The following NCALD variants were observed in gnomAD, a reference collection of about 807,000 sequenced individuals.
The protein encoded by NCALD is neurocalcin-delta.
Under a neutral mutation model 18.6 loss-of-function variants are expected in NCALD, and 10 were observed. The observed-to-expected ratio is 0.54, with a 90% CI of 0.33 to 0.91. The LOEUF is 0.91. Ranked by LOEUF, NCALD falls within the 40% of genes least tolerant of loss-of-function variation. The pLI, the probability that NCALD is intolerant of heterozygous loss-of-function variation, is 0.03. For synonymous variants in NCALD, 88 were observed against 87.4 expected (o/e 1.01, Z -0.04); for missense variants, 184 against 247.6 (o/e 0.74, Z 1.72).
chr8:101,952,126 G>C (rs968827558), intron 2 of NCALD, among the ~76,000 whole-genome samples: 1 of 152,172 alleles, frequency 6.6e-6, no homozygotes, highest in Non-Finnish European at 1.5e-5. Context: ...AGTGGGAACC[G>C]ACTGCTGAGT....
chr8:102,110,307 G>A (rs770988062), intron 1 of NCALD, among the ~76,000 whole-genome samples: 2 of 152,110 alleles, frequency 1.3e-5, no homozygotes, highest in Non-Finnish European at 2.9e-5. Flanking sequence ...GAGAAGAAAT[G>A]CAACTAGTAT....
intron 2 of NCALD, among the ~76,000 whole-genome samples, chr8:101,716,343 T>G (rs556063354): frequency 2.6e-5 from 4 of 151,934 alleles, no homozygotes; most frequent in African/African-American, 7.3e-5. Context: ...AGGGGAGGGA[T>G]AGCATTAGGA....
rs1407577034 is a variant in NCALD, at chr8:101,692,822, C to A, written c.453G>T (p.Lys151Asn). The change falls in exon 3 of 4, where the codon AAG becomes AAT. Residue 151 changes from lysine (K) to asparagine (N), a missense_variant. Lys to Asn is a moderately conservative substitution (Grantham distance 94, BLOSUM62 0). Transcript: ENST00000220931. ...TATTGGTGTCCATCTGGCGGAAGAT[C>A]TTTTCTGTTCTTTTCTCTGGGGTTG... ...DESTPEKRTE[K>N]IFRQMDTNRD... The A allele has an allele frequency of 6.2e-6, 10 of 1,613,794 alleles. No homozygotes were observed. The highest frequency in any genetic ancestry group is 6.8e-6 in the Non-Finnish European group (8 of 1,179,842).
upstream of NCALD, among the ~76,000 whole-genome samples, chr8:101,795,631 G>A (rs546277443): frequency 1.3e-5 from 2 of 152,278 alleles, no homozygotes; most frequent in African/African-American, 4.8e-5. Flanking sequence ...ATCACTTTGT[G>A]GGTTAGGGTT....
intron 1 of NCALD, among the ~76,000 whole-genome samples, chr8:102,109,372 A>C (rs1825573820): frequency 6.6e-6 from 1 of 152,126 alleles, no homozygotes; most frequent in Non-Finnish European, 1.5e-5. Flanking sequence ...GAGAAAAGCA[A>C]TCAGTTTGGC....
At chr8:101,868,187 C>T (rs1399891302) in intron 4 of NCALD, among the ~76,000 whole-genome samples, 1 of 152,078 alleles carries the variant, frequency 6.6e-6, no homozygotes, top group African/African-American at 2.4e-5. Context: ...CAGCATCTGG[C>T]CCCTGCTCTG....
intron 1 of NCALD, among the ~76,000 whole-genome samples, chr8:102,042,643 A>G (rs907936659): frequency 6.6e-6 from 1 of 151,834 alleles, no homozygotes; most frequent in African/African-American, 2.4e-5. Context: ...ACATTTCATG[A>G]GACCCCCAAC....
At chr8:101,756,776 G>GA (rs1354627129) in intron 1 of NCALD, among the ~76,000 whole-genome samples, 1 of 152,216 alleles carries the variant, frequency 6.6e-6, no homozygotes, top group African/African-American at 2.4e-5. Flanking sequence ...TTTCTGGTAA[G>GA]AATATGGCTT....
intron 4 of NCALD, among the ~76,000 whole-genome samples, chr8:101,879,531 G>T (rs1204236412): frequency 6.6e-6 from 1 of 152,172 alleles, no homozygotes; most frequent in Non-Finnish European, 1.5e-5. Context: ...AGCAAGAGCT[G>T]CAAAAGGGAA....
intron 1 of NCALD, chr8:102,070,245 C>T (rs946607766): frequency 1.3e-5 from 2 of 151,954 alleles, no homozygotes; most frequent in African/African-American, 4.8e-5. Flanking sequence ...ATAATAGTCA[C>T]AAAATTACTT....
intron 1 of NCALD, among the ~76,000 whole-genome samples, chr8:102,093,087 A>C (rs1824976599): frequency 6.6e-6 from 1 of 151,988 alleles, no homozygotes; most frequent in Non-Finnish European, 1.5e-5. Context: ...GAGCCCAGTG[A>C]GGTTGAGGCT....
At chr8:101,973,828 C>G (rs1168283472) in intron 2 of NCALD, among the ~76,000 whole-genome samples, 1 of 152,188 alleles carries the variant, frequency 6.6e-6, no homozygotes, top group Non-Finnish European at 1.5e-5. Context: ...CAGGTAACAT[C>G]TGAGTTACAA....
chr8:102,094,032 A>G (rs1309799707), intron 1 of NCALD, among the ~76,000 whole-genome samples: 2 of 152,228 alleles, frequency 1.3e-5, no homozygotes, highest in Non-Finnish European at 2.9e-5. Context: ...TTGATTATCT[A>G]TAAAGTATCC....
intron 1 of NCALD, among the ~76,000 whole-genome samples, chr8:101,736,118 T>G (rs541475264): frequency 4.0e-4 from 61 of 152,304 alleles, no homozygotes; most frequent in Non-Finnish European, 1.5e-5. Flanking sequence ...TCATTCTGTA[T>G]GTACCCCCTA....
In NCALD at chr8:101,927,849, G is replaced by C. The variant is rs983515915; in HGVS notation, c.-156-11991C>G. Among the ~76,000 whole-genome samples the C allele has an allele frequency of 3.3e-5, 5 of 152,278 alleles. No homozygotes were observed. The South Asian group carries it at 8.3e-4, about 25-fold the overall frequency. On this transcript the variant is annotated intron_variant, in intron 2 of 6. Coordinates refer to the NCALD transcript ENST00000311028. The stretch of plus-strand genomic sequence containing the variant: ...GGGGAGAGCCCAAACCCAAGCCAAA[G>C]TCAGGGCCTGGGTGGAATGTGGATT...
chr8:101,977,203 C>T (rs1278348746), intron 2 of NCALD, among the ~76,000 whole-genome samples: 2 of 150,524 alleles, frequency 1.3e-5, no homozygotes, highest in Admixed American at 1.3e-4. Flanking sequence ...ATTTGCCCAG[C>T]ATGAAGCATT....
intron 1 of NCALD, among the ~76,000 whole-genome samples, chr8:102,083,423 C>T (rs1043342692): frequency 6.6e-6 from 1 of 152,122 alleles, no homozygotes; most frequent in Non-Finnish European, 1.5e-5. Context: ...AGGTGAAATG[C>T]CTCTGTGAAT....
intron 2 of NCALD, among the ~76,000 whole-genome samples, chr8:101,697,472 G>A (rs1447771035): frequency 1.3e-5 from 2 of 152,094 alleles, no homozygotes; most frequent in Non-Finnish European, 2.9e-5. Context: ...TGATACCAAT[G>A]CCTGGCAGAG....
chr8:101,957,732 A>G (rs921677859), intron 2 of NCALD, among the ~76,000 whole-genome samples: 8 of 152,170 alleles, frequency 5.3e-5, no homozygotes, highest in African/African-American at 1.9e-4. Flanking sequence ...AGCCTGAAGG[A>G]ACACAAGGAT....
Sources: gnomAD v4.1 joint callset for allele counts (sites outside exome capture counted in the v4.1 genomes callset) on GRCh38, gnomAD v4.1.1 for gene constraint, MANE v1.5 for transcripts, NCBI Gene and HGNC (gene_info 2026-07-23, HGNC 2026-07-21) for gene names.